The following L2HGDH variants were observed in gnomAD, a reference collection of about 807,000 sequenced individuals.
L2HGDH encodes L-2-hydroxyglutarate dehydrogenase, mitochondrial.
In L2HGDH, 34 loss-of-function variants were observed where a neutral mutation model predicts 51.5. The ratio of observed to expected loss-of-function variants is 0.66; its 90% CI spans 0.50 to 0.88. The LOEUF (loss-of-function observed/expected upper bound fraction) is 0.88, where lower values mean the gene tolerates loss of function less well. Ranked by LOEUF, L2HGDH falls within the 40% of genes least tolerant of loss-of-function variation. L2HGDH has a pLI of 0.00. For missense variants in L2HGDH, 558 were observed against 571.9 expected, an observed-to-expected ratio of 0.98 and a Z score of 0.25; for synonymous variants, 198 against 197.9, an observed-to-expected ratio of 1.00 and a Z score of -0.01.
chr14:50,296,499 C>A (rs2030065060), intron 3 of L2HGDH, among the ~76,000 whole-genome samples: 1 of 132,574 alleles, frequency 7.5e-6, no homozygotes. Flanking sequence ...TCTAGATGAA[C>A]AAATTATTAG....
rs1392909036 is a variant in L2HGDH, at chr14:50,244,296, C to T, written c.*2762G>A. On this transcript the variant is annotated 3_prime_UTR_variant, in exon 10 of 10. Coordinates refer to ENST00000267436, the MANE Select transcript of L2HGDH (RefSeq NM_024884.3). ...ATGGTTGAACTAGTTTACAGTCCCACCAACAGTGTAAAAGTGTTCCTATTT... is the reference window on the plus strand; with the variant it reads ...ATGGTTGAACTAGTTTACAGTCCCATCAACAGTGTAAAAGTGTTCCTATTT... The T allele has an allele frequency of 1.5e-6, 1 of 663,186 alleles. No homozygotes were observed. Among genetic ancestry groups the T allele is most frequent in the Non-Finnish European group, 1.9e-6 (1 of 536,112 alleles). 41.1% of individuals were successfully genotyped at this position (663,186 alleles called of 1,614,324 possible).
At chr14:50,286,852 A>T (rs1170048988) in intron 4 of L2HGDH, among the ~76,000 whole-genome samples, 1 of 152,206 alleles carries the variant, frequency 6.6e-6, no homozygotes, top group Non-Finnish European at 1.5e-5. Context: ...TAACATTGGT[A>T]TAAGAGAGAG....
intron 6 of L2HGDH, among the ~76,000 whole-genome samples, chr14:50,277,401 A>T (rs1890034801): frequency 1.3e-5 from 2 of 152,108 alleles, no homozygotes; most frequent in African/African-American, 4.8e-5. Flanking sequence ...CATTTGGTTA[A>T]GCTAGGAACT....
chr14:50,242,623 A>G lies in L2HGDH; in HGVS notation c.*4435T>C. On this transcript the variant is annotated 3_prime_UTR_variant, in exon 10 of 10. Transcript: ENST00000267436. Reference sequence around the variant, plus strand: ...TTTATTTCCATTCTTAAGCTATTTAATGAGTACAAACTATTTGAAAACATC... The same window carrying G: ...TTTATTTCCATTCTTAAGCTATTTAGTGAGTACAAACTATTTGAAAACATC... 1.0e-6 allele frequency: 1 copy of G among 985,256 alleles called. No homozygotes were observed. Among genetic ancestry groups the G allele is most frequent in the South Asian group, 4.7e-5 (1 of 21,278 alleles). The allele number at this position is 985,256 out of a possible 1,614,324, so 61.0% of individuals were successfully genotyped here. A position where few individuals can be genotyped will look rare whatever the true frequency, so the allele number is the denominator to read the frequency against.
chr14:50,268,790 C>T (rs964506685), intron 7 of L2HGDH, among the ~76,000 whole-genome samples: 1 of 152,126 alleles, frequency 6.6e-6, no homozygotes, highest in African/African-American at 2.4e-5. Flanking sequence ...TACAGAGTGG[C>T]CACATCCCTT....
At position 50,303,247 on chromosome 14, in the gene L2HGDH, C is replaced by A. The variant is rs565744666; in HGVS notation, c.141-230G>T. ...GACCATCCTGGCCAACATGGTGAAA[C>A]CCCGTCTCTACTAAAAATACAAAAA... On this transcript the variant is annotated intron_variant, in intron 1 of 9. Transcript: ENST00000267436. 1.0e-3 allele frequency among the ~76,000 whole-genome samples: 156 copies of A among 151,936 alleles called. 1 individual carries two copies. The highest frequency in any genetic ancestry group is 2.0e-3 in the Non-Finnish European group (134 of 67,974).
chr14:50,248,533 AAC>A (rs1247479330), intron 9 of L2HGDH, among the ~76,000 whole-genome samples: 2 of 152,250 alleles, frequency 1.3e-5, no homozygotes, highest in African/African-American at 2.4e-5. Context: ...ACAGCAAAGA[AAC>A]ACAGAGAGAT....
At chr14:50,288,436 T>C (rs1170402733) in intron 4 of L2HGDH, among the ~76,000 whole-genome samples, 1 of 152,208 alleles carries the variant, frequency 6.6e-6, no homozygotes, top group East Asian at 1.9e-4. Flanking sequence ...ACAAACAGGC[T>C]GGTTTTAGCC....
At chr14:50,307,741 A>G (rs892817811) in intron 1 of L2HGDH, among the ~76,000 whole-genome samples, 52 of 152,326 alleles carry the variant, frequency 3.4e-4, no homozygotes, top group African/African-American at 1.2e-3. Flanking sequence ...AATCTTAAAC[A>G]CCACATTATT....
rs73277303 is a variant in L2HGDH at position 50,289,577 on chromosome 14, G to C, written c.540+4538C>G. On this transcript the variant is annotated intron_variant, in intron 4 of 9. Transcript: ENST00000267436. Reference sequence around the variant, plus strand: ...GCACTCTAATGAGCTGACCAGAGGAGGCTGGCTTTATAGGCAGAAAAAAGC... The same window carrying C: ...GCACTCTAATGAGCTGACCAGAGGACGCTGGCTTTATAGGCAGAAAAAAGC... Among the ~76,000 whole-genome samples, 1,053 of 152,224 alleles carry C rather than the reference G, an allele frequency of 6.9e-3. 14 individuals carry two copies. The highest frequency in any genetic ancestry group is 0.034 in the South Asian group (165 of 4,830).
chr14:50,273,660 A>G (rs546775598), intron 6 of L2HGDH, among the ~76,000 whole-genome samples: 2 of 152,302 alleles, frequency 1.3e-5, no homozygotes, highest in Admixed American at 6.5e-5. Context: ...AAATGACAAT[A>G]AAGAGACAAC....
chr14:50,288,467 T>C (rs1301471564), intron 4 of L2HGDH, among the ~76,000 whole-genome samples: 1 of 152,174 alleles, frequency 6.6e-6, no homozygotes, highest in East Asian at 1.9e-4. Context: ...GGAAGTCTTC[T>C]CTGGTTTTTT....
chr14:50,284,155 C>G, intron 4 of L2HGDH, 122 bp from the exon 5 acceptor site: 2 of 842,144 alleles, frequency 2.4e-6, no homozygotes, highest in Non-Finnish European at 3.8e-6. Flanking sequence ...GCTTTTCTTG[C>G]TGCTACAATG....
chr14:50,278,101 C>T (rs1384310880), intron 6 of L2HGDH, among the ~76,000 whole-genome samples: 1 of 152,224 alleles, frequency 6.6e-6, no homozygotes, highest in African/African-American at 2.4e-5. Context: ...AGGGAATCCA[C>T]TGCTTCTATG....
At position 50,283,926 on chromosome 14, in the gene L2HGDH, A is replaced by G; in HGVS notation, c.648T>C (p.Asn216=). 1 of 1,614,160 alleles carries G rather than the reference A, an allele frequency of 6.2e-7. No homozygotes were observed. Among genetic ancestry groups the G allele is most frequent in the Non-Finnish European group, 8.5e-7 (1 of 1,179,996 alleles). The part of the protein sequence containing the change: ...FQEAGGSVLT[N]FEVKGIEMAK... The stretch of plus-strand genomic sequence containing the variant: ...CCATTTCAATACCTTTTACTTCAAA[A>G]TTGGTCAAGACAGAGCCACCTGCTT... Residue 216 remains asparagine, a synonymous_variant, in exon 5 of 10, where the codon AAT becomes AAC. Transcript: ENST00000267436.
intron 6 of L2HGDH, among the ~76,000 whole-genome samples, chr14:50,277,391 C>T (rs1890034219): frequency 6.6e-6 from 1 of 151,972 alleles, no homozygotes; most frequent in Admixed American, 6.6e-5. Flanking sequence ...GTACTGAGTC[C>T]ATTTGGTTAA....
At chr14:50,248,572 C>G (rs1888143424) in intron 9 of L2HGDH, among the ~76,000 whole-genome samples, 1 of 152,186 alleles carries the variant, frequency 6.6e-6, no homozygotes, top group South Asian at 2.1e-4. Flanking sequence ...AATCACAGAG[C>G]TATACTATTC....
intron 9 of L2HGDH, among the ~76,000 whole-genome samples, chr14:50,252,306 T>A (rs576026411): frequency 7.2e-5 from 11 of 151,940 alleles, no homozygotes; most frequent in Non-Finnish European, 1.5e-4. Context: ...AATTAAAACA[T>A]ACCATCAGAG....
intron 5 of L2HGDH, among the ~76,000 whole-genome samples, chr14:50,280,665 T>C (rs1156749615): frequency 6.6e-6 from 1 of 152,080 alleles, no homozygotes; most frequent in Non-Finnish European, 1.5e-5. Flanking sequence ...AAAATTATTT[T>C]ATTTAATTAA....
Sources: allele counts gnomAD v4.1 joint callset (sites outside exome capture counted in the v4.1 genomes callset), GRCh38; gene constraint gnomAD v4.1.1; transcripts MANE v1.5; gene names NCBI Gene and HGNC (gene_info 2026-07-23, HGNC 2026-07-21).